The following ZNF253 variants were observed in gnomAD, a reference collection of about 807,000 sequenced individuals.
ZNF253 encodes DNA-binding protein.
ZNF253 carries 8 observed loss-of-function variants against 11.9 expected under a neutral mutation model. That is an observed-to-expected ratio of 0.67 (90% CI 0.40 to 1.22). The LOEUF (loss-of-function observed/expected upper bound fraction) is 1.22, where lower values mean the gene tolerates loss of function less well. ZNF253 is among the 50% of genes most tolerant of loss of function. The probability of loss-of-function intolerance (pLI) is 0.01; values close to 1 mark genes in which losing one functional copy is unlikely to be tolerated. For synonymous variants in ZNF253, 194 were observed against 194.9 expected (o/e 1.00, Z 0.04); for missense variants, 485 against 586.9 (o/e 0.83, Z 1.79).
intron 3 of ZNF253, among the ~76,000 whole-genome samples, chr19:19,887,136 A>C (rs1281268638): frequency 6.6e-6 from 1 of 151,490 alleles, no homozygotes; most frequent in Admixed American, 6.6e-5. Flanking sequence ...TGACCACATC[A>C]CTCAATTGTG....
intron 3 of ZNF253, among the ~76,000 whole-genome samples, chr19:19,884,278 CTT>C (rs2063189663): frequency 6.6e-6 from 1 of 152,060 alleles, no homozygotes; most frequent in African/African-American, 2.4e-5. Context: ...AGCCTTTTGA[CTT>C]TTGTGAATAC....
chr19:19,871,671 T>A (rs2063134388), intron 1 of ZNF253, among the ~76,000 whole-genome samples: 1 of 152,204 alleles, frequency 6.6e-6, no homozygotes, highest in Non-Finnish European at 1.5e-5. Flanking sequence ...GAACTATGTA[T>A]GACATGGTGC....
chr19:19,886,475 A>G (rs965583018), intron 3 of ZNF253, among the ~76,000 whole-genome samples: 10 of 152,264 alleles, frequency 6.6e-5, no homozygotes, highest in East Asian at 1.9e-4. Flanking sequence ...TAAATCCTCA[A>G]TGTTGGTTAT....
chr19:19,890,632 C>T (rs1247567146), intron 3 of ZNF253, among the ~76,000 whole-genome samples: 1 of 150,726 alleles, frequency 6.6e-6, no homozygotes, highest in Non-Finnish European at 1.5e-5. Flanking sequence ...AAGCAATTCT[C>T]CTGCCTCAGC....
intron 3 of ZNF253, among the ~76,000 whole-genome samples, chr19:19,889,496 C>T (rs2063220163): frequency 6.6e-6 from 1 of 152,134 alleles, no homozygotes; most frequent in South Asian, 2.1e-4. Context: ...CAGGTGCATG[C>T]TGCCACATTT....
At chr19:19,880,630 A>G (rs1384558132) in intron 3 of ZNF253, among the ~76,000 whole-genome samples, 1 of 151,690 alleles carries the variant, frequency 6.6e-6, no homozygotes. Flanking sequence ...ATTTGAACCT[A>G]GGAGGTGGAG....
intron 1 of ZNF253, among the ~76,000 whole-genome samples, chr19:19,877,319 ATT>A (rs1698536261): frequency 6.6e-6 from 1 of 151,886 alleles, no homozygotes; most frequent in African/African-American, 2.4e-5. Context: ...TTAAATTCAG[ATT>A]TTATTTACTT....
chr19:19,870,581 C>G (rs2063130053), intron 1 of ZNF253: 1 of 152,008 alleles, frequency 6.6e-6, no homozygotes, highest in African/African-American at 2.4e-5. Flanking sequence ...TTTTATTTCA[C>G]TAAGTTGGAA....
intron 1 of ZNF253, among the ~76,000 whole-genome samples, chr19:19,878,091 A>T (rs1568496148): frequency 6.6e-6 from 1 of 152,180 alleles, no homozygotes; most frequent in Non-Finnish European, 1.5e-5. Flanking sequence ...AACCCTGCAC[A>T]ACAAGGTCTT....
At chr19:19,884,413 C>T (rs959706920) in intron 3 of ZNF253, among the ~76,000 whole-genome samples, 3 of 151,866 alleles carry the variant, frequency 2.0e-5, no homozygotes, top group African/African-American at 7.3e-5. Context: ...CCGCTGTCAC[C>T]CAGGCTGGAG....
chr19:19,866,826 C>G lies in ZNF253; in HGVS notation c.3+827C>G, dbSNP rs1381073664. On this transcript the variant is annotated intron_variant, in intron 1 of 3. Coordinates refer to ENST00000589717, the MANE Select transcript of ZNF253 (RefSeq NM_021047.3). ...GTGTCCTTCCCCCATTGGCCGGGGT[C>G]TGACCTCACAATCTAGGCTGACCCG... Among the ~76,000 whole-genome samples the G allele has an allele frequency of 1.1e-4, 16 of 152,242 alleles. No individual in the cohort carries two copies. In the East Asian group the frequency reaches 2.9e-3, roughly 28 times the overall value.
intron 1 of ZNF253, among the ~76,000 whole-genome samples, chr19:19,870,556 C>T (rs2063129943): frequency 6.6e-6 from 1 of 151,938 alleles, no homozygotes; most frequent in African/African-American, 2.4e-5. Flanking sequence ...TATGAGTAAA[C>T]ACAATTTTAT....
rs1213130876 is a variant in ZNF253, at chr19:19,893,203, C to T, written c.*456C>T. ...ATGTTGGCCAGGCTGGTCTCGAACTCCTGACCTCAGGTGATCCACCTGCCT... is the reference window on the plus strand; with the variant it reads ...ATGTTGGCCAGGCTGGTCTCGAACTTCTGACCTCAGGTGATCCACCTGCCT... On this transcript the variant is annotated 3_prime_UTR_variant, in exon 4 of 4. Coordinates refer to ENST00000589717, the MANE Select transcript of ZNF253 (RefSeq NM_021047.3). The T allele has an allele frequency of 6.2e-6, 1 of 160,994 alleles. No individual in the cohort carries two copies. The highest frequency in any genetic ancestry group is 2.4e-5 in the African/African-American group (1 of 41,594). The allele number at this position is 160,994 out of a possible 1,614,324, so 10.0% of individuals were successfully genotyped here.
chr19:19,886,395 T>C (rs1004277878), intron 3 of ZNF253, among the ~76,000 whole-genome samples: 9 of 152,226 alleles, frequency 5.9e-5, no homozygotes, highest in Admixed American at 2.6e-4. Flanking sequence ...GTTTTGCATG[T>C]GTCTGTGAAG....
At chr19:19,891,007 A>ATTTTTTTTTTTTTTTTTTTT (rs1568501169) in intron 3 of ZNF253, among the ~76,000 whole-genome samples, 5 of 149,820 alleles carry the variant, frequency 3.3e-5, no homozygotes, top group African/African-American at 1.3e-4. Flanking sequence ...TGTCTGGCTA[A>ATTTTTTTTTTTTTTTTTTTT]TTTTTTGTAT....
chr19:19,872,561 C>T (rs1599550367), intron 1 of ZNF253, among the ~76,000 whole-genome samples: 1 of 121,970 alleles, frequency 8.2e-6, no homozygotes, highest in African/African-American at 4.2e-5. Context: ...TAAACCATAA[C>T]TATATATATA....
At position 19,885,237 on chromosome 19, in the gene ZNF253, TTCTTTCTTTCTTTCTTTC is replaced by T. The variant is rs2063194830; in HGVS notation, c.226+5093_226+5110del. 6.9e-5 allele frequency among the ~76,000 whole-genome samples: 4 copies of T among 57,696 alleles called. No individual in the cohort carries two copies. In the South Asian group the frequency reaches 2.3e-3, roughly 33 times the overall value. 37.9% of individuals were successfully genotyped at this position (57,696 alleles called of 152,430 possible). ...TTGTATTCTTTCTTTCTTTCTTTCT[TTCTTTCTTTCTTTCTTTC>T]TTTCTTTCTTTCTTTCTTTCTTTCT... On this transcript the variant is annotated intron_variant, in intron 3 of 3. Coordinates refer to ENST00000589717, the MANE Select transcript of ZNF253 (RefSeq NM_021047.3).
chr19:19,878,207 T>A (rs2063163263), intron 1 of ZNF253, among the ~76,000 whole-genome samples: 1 of 152,226 alleles, frequency 6.6e-6, no homozygotes, highest in Non-Finnish European at 1.5e-5. Flanking sequence ...AATATAGCAC[T>A]AAAAAATGTT....
In ZNF253 at chr19:19,892,668, A is replaced by C. The variant is rs1253509639; in HGVS notation, c.1421A>C (p.His474Pro). 3 of 1,612,864 alleles carry C rather than the reference A, an allele frequency of 1.9e-6. No homozygotes were observed. Among genetic ancestry groups the C allele is most frequent in the Non-Finnish European group, 2.5e-6 (3 of 1,179,648 alleles). Residue 474 changes from histidine (H) to proline (P), a missense_variant, in exon 4 of 4, where the codon CAT (histidine) becomes CCT (proline). Physicochemically the swap from His to Pro is moderately conservative, Grantham distance 77. Around this residue, in one of 3 missense-constraint regions of ZNF253, gnomAD observed 232 missense variants for 321.4 expected, o/e 0.72. Transcript: ENST00000589717. The stretch of plus-strand genomic sequence containing the variant: ...GACCTTAATAAACATAAGAAAATTC[A>C]TATTGAACGAAAACCCTACATAGTG... ...SSDLNKHKKI[H>P]IERKPYIVKN...
Sources: gnomAD v4.1 joint callset for allele counts (sites outside exome capture counted in the v4.1 genomes callset) on GRCh38, gnomAD v4.1.1 for gene constraint, gnomAD v4.1.1 regional missense constraint, MANE v1.5 for transcripts, NCBI Gene and HGNC (gene_info 2026-07-23, HGNC 2026-07-21) for gene names.